The following SLC25A21 variants were observed in gnomAD, a reference collection of about 807,000 sequenced individuals.
SLC25A21 encodes the protein mitochondrial 2-oxodicarboxylate carrier.
In SLC25A21, 47 loss-of-function variants were observed where a neutral mutation model predicts 43.8. The ratio of observed to expected loss-of-function variants is 1.07; its 90% CI spans 0.85 to 1.37. The LOEUF is 1.37. Among genes scored for constraint, SLC25A21 ranks in the 40% most tolerant of loss-of-function variants. The pLI is 0.00. For missense variants in SLC25A21, 352 were observed against 350.2 expected (o/e 1.00, Z -0.04); for synonymous variants, 131 against 121.3 (o/e 1.08, Z -0.52).
At chr14:37,169,604 C>G (rs76782028) in intron 1 of SLC25A21, among the ~76,000 whole-genome samples, 3 of 151,358 alleles carry the variant, frequency 2.0e-5, no homozygotes, top group South Asian at 2.1e-4. Context: ...CACACACACA[C>G]ACAGAAGTGT....
chr14:37,129,272 A>G (rs1051622918), intron 1 of SLC25A21, among the ~76,000 whole-genome samples: 1 of 152,182 alleles, frequency 6.6e-6, no homozygotes, highest in Non-Finnish European at 1.5e-5. Context: ...TTGATTTACA[A>G]CCTAGAAAAA....
chr14:37,143,768 C>T (rs946417024), intron 1 of SLC25A21, among the ~76,000 whole-genome samples: 2 of 152,034 alleles, frequency 1.3e-5, no homozygotes, highest in African/African-American at 4.8e-5. Context: ...GCAGACAGGG[C>T]CAGTTTATTC....
At chr14:37,145,913 A>C (rs1028044158) in intron 1 of SLC25A21, among the ~76,000 whole-genome samples, 1 of 152,076 alleles carries the variant, frequency 6.6e-6, no homozygotes, top group Non-Finnish European at 1.5e-5. Context: ...GCCCTTTTTT[A>C]TTTCCTTTTG....
chr14:36,829,361 G>GT (rs987245549), intron 2 of SLC25A21, among the ~76,000 whole-genome samples: 5 of 152,240 alleles, frequency 3.3e-5, no homozygotes, highest in African/African-American at 1.2e-4. Context: ...TATTCATCTG[G>GT]TTCCTTCCCG....
At chr14:36,705,054 C>T (rs77961411) in intron 7 of SLC25A21, among the ~76,000 whole-genome samples, 2,758 of 152,014 alleles carry the variant, frequency 0.018, 48 homozygotes, top group African/African-American at 0.054. Flanking sequence ...CGGGGCTTAC[C>T]GTTATTTTTT....
At chr14:36,702,973 A>C (rs542919880) in intron 7 of SLC25A21, among the ~76,000 whole-genome samples, 51 of 152,288 alleles carry the variant, frequency 3.3e-4, no homozygotes, top group African/African-American at 1.2e-3. Flanking sequence ...CCAATGAAAG[A>C]TACCCCTTTT....
intron 3 of SLC25A21, among the ~76,000 whole-genome samples, chr14:36,753,703 A>C (rs1885802079): frequency 6.6e-6 from 1 of 152,192 alleles, no homozygotes; most frequent in Non-Finnish European, 1.5e-5. Context: ...AATCCACCAG[A>C]AGCAAAGCCA....
intron 1 of SLC25A21, among the ~76,000 whole-genome samples, chr14:37,155,542 A>T (rs1449798228): frequency 2.0e-5 from 3 of 152,190 alleles, no homozygotes; most frequent in African/African-American, 7.2e-5. Context: ...TAACAAGAGA[A>T]AATCATCTAG....
intron 3 of SLC25A21, among the ~76,000 whole-genome samples, chr14:36,753,310 C>T (rs781007953): frequency 8.6e-5 from 13 of 151,934 alleles, no homozygotes; most frequent in Admixed American, 2.0e-4. Flanking sequence ...TGGTTGCTCT[C>T]GGAATGGAAG....
chr14:37,116,829 A>G (rs1023940863), intron 1 of SLC25A21, among the ~76,000 whole-genome samples: 1 of 152,158 alleles, frequency 6.6e-6, no homozygotes, highest in Non-Finnish European at 1.5e-5. Context: ...ATCTTTTTGT[A>G]TGTGATTTAA....
At chr14:36,988,184 A>C (rs1337364332) in intron 1 of SLC25A21, among the ~76,000 whole-genome samples, 1 of 152,190 alleles carries the variant, frequency 6.6e-6, no homozygotes, top group Non-Finnish European at 1.5e-5. Context: ...GGAGAGAGGT[A>C]AGCCTCACGA....
At chr14:36,783,955 C>A (rs1005995392) in intron 3 of SLC25A21, among the ~76,000 whole-genome samples, 2 of 152,156 alleles carry the variant, frequency 1.3e-5, no homozygotes, top group Non-Finnish European at 2.9e-5. Flanking sequence ...ACTGCCCAAA[C>A]TTGTATTGCA....
chr14:36,986,414 C>G (rs913776101), intron 1 of SLC25A21, among the ~76,000 whole-genome samples: 1 of 152,100 alleles, frequency 6.6e-6, no homozygotes, highest in East Asian at 1.9e-4. Context: ...TATTGGACCT[C>G]CACTCCACTT....
At chr14:36,857,549 C>G (rs1298152746) in intron 2 of SLC25A21, among the ~76,000 whole-genome samples, 1 of 152,244 alleles carries the variant, frequency 6.6e-6, no homozygotes, top group East Asian at 1.9e-4. Context: ...CATGACTTAT[C>G]ACTAAATGAC....
In SLC25A21 at chr14:36,844,585, C is replaced by G. The variant is rs528884796; in HGVS notation, c.119+30371G>C. Among the ~76,000 whole-genome samples, 16 of 152,268 alleles carry G rather than the reference C, an allele frequency of 1.1e-4. No homozygotes were observed. The South Asian group carries it at 3.3e-3, about 32-fold the overall frequency. Reference sequence around the variant, plus strand: ...ATGAGGCAGGAGTTAAAATGTTGACCTGATCAGACTCAGATGGAAGCCTTA... The same window carrying G: ...ATGAGGCAGGAGTTAAAATGTTGACGTGATCAGACTCAGATGGAAGCCTTA... On this transcript the variant is annotated intron_variant, in intron 2 of 9. Transcript: ENST00000331299.
intron 1 of SLC25A21, among the ~76,000 whole-genome samples, chr14:37,036,915 T>C (rs571069970): frequency 1.3e-5 from 2 of 152,316 alleles, no homozygotes; most frequent in African/African-American, 4.8e-5. Flanking sequence ...GTGTTTAGTT[T>C]CTGAAGCGGA....
At chr14:37,121,007 G>C (rs886360688) in intron 1 of SLC25A21, among the ~76,000 whole-genome samples, 1 of 152,130 alleles carries the variant, frequency 6.6e-6, no homozygotes, top group African/African-American at 2.4e-5. Context: ...TAAATGGGCT[G>C]AGTAAACATT....
At chr14:37,106,410 C>A (rs928107731) in intron 1 of SLC25A21, among the ~76,000 whole-genome samples, 11 of 151,970 alleles carry the variant, frequency 7.2e-5, no homozygotes, top group Admixed American at 7.2e-4. Context: ...GAGTGTCTGT[C>A]TTATGCGGTT....
intron 1 of SLC25A21, among the ~76,000 whole-genome samples, chr14:36,966,430 C>T (rs1180007405): frequency 1.3e-5 from 2 of 152,178 alleles, no homozygotes; most frequent in African/African-American, 4.8e-5. Context: ...TTTATCTACT[C>T]AACTCAGACA....
Sources: allele counts gnomAD v4.1 joint callset (sites outside exome capture counted in the v4.1 genomes callset), GRCh38; gene constraint gnomAD v4.1.1; transcripts MANE v1.5; gene names NCBI Gene and HGNC (gene_info 2026-07-23, HGNC 2026-07-21).